SEM1: variants seen among roughly 807,000 people sequenced by gnomAD.
The protein encoded by SEM1 is 26S proteasome complex subunit SEM1.
SEM1 carries 3 observed loss-of-function variants against 12.7 expected under a neutral mutation model. The ratio of observed to expected loss-of-function variants is 0.24; its 90% CI spans 0.11 to 0.61. The LOEUF is 0.61. Ranked by LOEUF, SEM1 falls within the 20% of genes least tolerant of loss-of-function variation. The pLI, the probability that SEM1 is intolerant of heterozygous loss-of-function variation, is 0.88. For missense variants in SEM1, 59 were observed against 81.3 expected, an observed-to-expected ratio of 0.73 and a Z score of 1.06; for synonymous variants, 30 against 27.8, an observed-to-expected ratio of 1.08 and a Z score of -0.25.
At chr7:96,698,830 G>A (rs117015163) in intron 1 of SEM1, among the ~76,000 whole-genome samples, 35 of 152,210 alleles carry the variant, frequency 2.3e-4, no homozygotes, top group Admixed American at 3.9e-4. Context: ...AGATCCTTGC[G>A]GAATCACCAC....
chr7:96,687,272 C>A (rs1789789303), downstream of SEM1, among the ~76,000 whole-genome samples: 2 of 152,140 alleles, frequency 1.3e-5, no homozygotes, highest in Admixed American at 6.5e-5. Flanking sequence ...TTGACCCAGC[C>A]ATCCCATTAC....
intron 2 of SEM1, among the ~76,000 whole-genome samples, chr7:96,579,706 A>G (rs1806321827): frequency 6.6e-6 from 1 of 152,330 alleles, no homozygotes; most frequent in South Asian, 2.1e-4. Context: ...TAAAACAGCT[A>G]AAATAAAGTG....
chr7:96,669,400 C>T (rs912967717), downstream of SEM1, among the ~76,000 whole-genome samples: 3 of 152,124 alleles, frequency 2.0e-5, no homozygotes, highest in Admixed American at 2.0e-4. Flanking sequence ...TATGTTCCAT[C>T]AAACTTTATT....
chr7:96,646,923 A>T (rs1808812631), intron 2 of SEM1, among the ~76,000 whole-genome samples: 1 of 152,160 alleles, frequency 6.6e-6, no homozygotes, highest in African/African-American at 2.4e-5. Context: ...TCCAGCCTTC[A>T]TTGGTTTTGA....
intron 2 of SEM1, among the ~76,000 whole-genome samples, chr7:96,648,699 C>T (rs912384995): frequency 1.3e-5 from 2 of 152,164 alleles, no homozygotes; most frequent in East Asian, 3.8e-4. Flanking sequence ...TTGGCTTCTA[C>T]AGAAGGAATT....
intron 2 of SEM1, among the ~76,000 whole-genome samples, chr7:96,571,397 G>A (rs1018230080): frequency 6.6e-6 from 1 of 151,858 alleles, no homozygotes; most frequent in African/African-American, 2.4e-5. Context: ...GTATGGAAGG[G>A]TTCCAGTTTC....
intron 2 of SEM1, among the ~76,000 whole-genome samples, chr7:96,613,504 G>A (rs916058762): frequency 1.3e-5 from 2 of 151,996 alleles, no homozygotes; most frequent in African/African-American, 4.8e-5. Flanking sequence ...AGGCTAATTA[G>A]CGTATCTATC....
chr7:96,512,142 G>A (rs1417200295), intron 2 of SEM1, among the ~76,000 whole-genome samples: 1 of 152,062 alleles, frequency 6.6e-6, no homozygotes, highest in Non-Finnish European at 1.5e-5. Flanking sequence ...ACCCACGACT[G>A]CTTCCTGTCC....
At chr7:96,495,445 T>C (rs1803202792) in intron 1 of SEM1, among the ~76,000 whole-genome samples, 1 of 152,172 alleles carries the variant, frequency 6.6e-6, no homozygotes, top group South Asian at 2.1e-4. Context: ...TAACAATGTA[T>C]TTTGAGGACT....
upstream of SEM1, among the ~76,000 whole-genome samples, chr7:96,499,729 T>C (rs1803444923): frequency 6.6e-6 from 1 of 152,062 alleles, no homozygotes. Flanking sequence ...AGGCATAGAG[T>C]GGAAAAACAA....
chr7:96,557,566 G>C (rs532588056), intron 2 of SEM1, among the ~76,000 whole-genome samples: 2 of 89,840 alleles, frequency 2.2e-5, no homozygotes, highest in African/African-American at 5.8e-5. Context: ...TTCCAGCTGC[G>C]TGCTGGGAGA....
intron 2 of SEM1, among the ~76,000 whole-genome samples, chr7:96,517,430 A>G (rs939775793): frequency 1.3e-5 from 2 of 152,132 alleles, no homozygotes; most frequent in African/African-American, 4.8e-5. Flanking sequence ...CTAGACATGG[A>G]GTTTGAGATT....
intron 2 of SEM1, among the ~76,000 whole-genome samples, chr7:96,541,141 C>T (rs114740689): frequency 0.023 from 3,493 of 151,758 alleles, 122 homozygotes; most frequent in African/African-American, 0.08. Context: ...TTCTGCTTTA[C>T]GTACTTTGAG....
chr7:96,545,557 T>A (rs1181748820), intron 2 of SEM1, among the ~76,000 whole-genome samples: 7 of 152,246 alleles, frequency 4.6e-5, no homozygotes, highest in Admixed American at 4.6e-4. Flanking sequence ...GCTAACAAGA[T>A]GCTGATAACA....
intron 2 of SEM1, among the ~76,000 whole-genome samples, chr7:96,586,000 T>G (rs1806621351): frequency 6.6e-6 from 1 of 152,188 alleles, no homozygotes; most frequent in Admixed American, 6.5e-5. Flanking sequence ...TAAAATTATT[T>G]CAGTTTTAAA....
chr7:96,607,420 T>C (rs1203521607), intron 2 of SEM1, among the ~76,000 whole-genome samples: 2 of 152,188 alleles, frequency 1.3e-5, no homozygotes, highest in East Asian at 3.8e-4. Flanking sequence ...TAGAATATAT[T>C]GAATCAGAAA....
intron 1 of SEM1, among the ~76,000 whole-genome samples, chr7:96,704,773 T>G (rs1438561525): frequency 1.3e-5 from 2 of 152,190 alleles, no homozygotes; most frequent in East Asian, 3.8e-4. Context: ...CTGACTAGCA[T>G]GGTGTGTGAC....
intron 2 of SEM1, among the ~76,000 whole-genome samples, chr7:96,603,657 G>A (rs754418327): frequency 6.6e-6 from 1 of 151,978 alleles, no homozygotes; most frequent in Non-Finnish European, 1.5e-5. Flanking sequence ...CGTCTTTCTT[G>A]GGAACTGATA....
At chr7:96,515,197 G>A (rs1271611074) in intron 2 of SEM1, among the ~76,000 whole-genome samples, 1 of 152,048 alleles carries the variant, frequency 6.6e-6, no homozygotes, top group Non-Finnish European at 1.5e-5. Flanking sequence ...ATGCAAAAAG[G>A]ATATCCACAT....
Sources: allele counts gnomAD v4.1 joint callset (sites outside exome capture counted in the v4.1 genomes callset), GRCh38; gene constraint gnomAD v4.1.1; transcripts MANE v1.5; gene names NCBI Gene and HGNC (gene_info 2026-07-23, HGNC 2026-07-21).